Variants in BMP8B observed in about 807,000 individuals in gnomAD.
The protein encoded by BMP8B is bone morphogenetic protein 8b.
Under a neutral mutation model 30.3 loss-of-function variants are expected in BMP8B, and 17 were observed. The ratio of observed to expected loss-of-function variants is 0.56; its 90% CI spans 0.38 to 0.84. BMP8B has a LOEUF of 0.84. Among genes scored for constraint, BMP8B ranks in the 40% least tolerant of loss-of-function variants. BMP8B has a pLI of 0.00. For missense variants in BMP8B, 253 were observed against 494.6 expected (o/e 0.51, Z 4.63); for synonymous variants, 131 against 214.7 (o/e 0.61, Z 3.41).
intron 3 of BMP8B, among the ~76,000 whole-genome samples, chr1:39,766,762 C>T (rs568037624): frequency 4.2e-5 from 6 of 143,802 alleles, no homozygotes; most frequent in South Asian, 2.1e-4. Context: ...GCTTGGTTCA[C>T]GGTGAGTCAA....
intron 1 of BMP8B, among the ~76,000 whole-genome samples, chr1:39,782,963 T>G (rs1650751907): frequency 6.6e-6 from 1 of 150,594 alleles, no homozygotes; most frequent in South Asian, 2.1e-4. Context: ...CTGGCTAATT[T>G]TTTTTGCATT....
At chr1:39,763,280 C>G in intron 5 of BMP8B, 78 bp from the exon 6 acceptor site, 2 of 1,384,736 alleles carry the variant, frequency 1.4e-6, no homozygotes, top group South Asian at 2.7e-5. Context: ...TCCTCCAGCC[C>G]TGCAGGGCCG....
intron 1 of BMP8B, among the ~76,000 whole-genome samples, chr1:39,782,463 GTTTTTGT>G (rs1650709766): frequency 6.6e-6 from 1 of 151,868 alleles, no homozygotes; most frequent in South Asian, 2.1e-4. Flanking sequence ...CACTTGCTTT[GTTTTTGT>G]TTTTGTTTTT....
At chr1:39,769,659 C>G (rs1050918) in intron 3 of BMP8B, 1 of 1,261,642 alleles carries the variant, frequency 7.9e-7, no homozygotes, top group Non-Finnish European at 1.1e-6. Flanking sequence ...CCCGGTGGCA[C>G]CCGCCCTGAG....
At chr1:39,769,889 G>T (rs146244343) in intron 3 of BMP8B, 33 of 1,608,126 alleles carry the variant, frequency 2.1e-5, no homozygotes, top group Non-Finnish European at 2.6e-5. Context: ...CCCGGTCAGC[G>T]GCATGGTGCA....
intron 1 of BMP8B, among the ~76,000 whole-genome samples, chr1:39,786,154 TG>T (rs1650971032): frequency 6.6e-6 from 1 of 152,244 alleles, no homozygotes; most frequent in Non-Finnish European, 1.5e-5. Flanking sequence ...ATGAGTTAAA[TG>T]AGGAATTGTA....
chr1:39,776,021 C>A (rs1341531002), intron 1 of BMP8B, among the ~76,000 whole-genome samples: 2 of 152,306 alleles, frequency 1.3e-5, no homozygotes, highest in Non-Finnish European at 2.9e-5. Context: ...ATGAGCTCTG[C>A]TGCGGCCTGC....
intron 1 of BMP8B, among the ~76,000 whole-genome samples, chr1:39,786,558 T>C (rs1481313957): frequency 1.3e-5 from 2 of 152,234 alleles, no homozygotes; most frequent in Non-Finnish European, 2.9e-5. Flanking sequence ...ACCCAGGGGA[T>C]GCCAGGGGAG....
chr1:39,760,961 C>A (rs1025271562), intron 6 of BMP8B, among the ~76,000 whole-genome samples: 5 of 152,046 alleles, frequency 3.3e-5, no homozygotes, highest in Non-Finnish European at 7.4e-5. Context: ...TTTGGCCCTT[C>A]GGACCCCCAG....
In BMP8B at chr1:39,788,543, G is replaced by T; in HGVS notation, c.-58C>A. On this transcript the variant is annotated 5_prime_UTR_variant, in exon 1 of 7. Coordinates refer to ENST00000372827, the MANE Select transcript of BMP8B (RefSeq NM_001720.5). The surrounding 1 kb of genome is among the most constrained non-coding windows in gnomAD (Gnocchi z 5.8). ...GCGGGCGCGCATCGGCTCCGCGGCC[G>T]ACCCAGGGCCTGGGGACGCCCCGAC... The T allele has an allele frequency of 1.0e-6, 1 of 996,930 alleles. No individual in the cohort carries two copies. The highest frequency in any genetic ancestry group is 4.5e-5 in the South Asian group (1 of 22,130). The allele number at this position is 996,930 out of a possible 1,614,324, so 61.8% of individuals were successfully genotyped here.
intron 1 of BMP8B, among the ~76,000 whole-genome samples, chr1:39,783,847 T>C (rs890525796): frequency 9.9e-5 from 15 of 152,218 alleles, no homozygotes; most frequent in Non-Finnish European, 2.1e-4. Context: ...GAGTTTGCAG[T>C]TGCAGTGAGC....
intron 1 of BMP8B, among the ~76,000 whole-genome samples, chr1:39,775,952 G>A (rs534911459): frequency 5.9e-5 from 9 of 152,308 alleles, no homozygotes; most frequent in Non-Finnish European, 1.2e-4. Context: ...TCTAGGGAGA[G>A]GGGACCTCGC....
intron 1 of BMP8B, among the ~76,000 whole-genome samples, chr1:39,777,083 T>A (rs1246248112): frequency 6.6e-6 from 1 of 152,184 alleles, no homozygotes; most frequent in Non-Finnish European, 1.5e-5. Context: ...TCTCAGGCGT[T>A]GCTGATAGGA....
At chr1:39,765,982 G>A (rs1263910858) in intron 3 of BMP8B, among the ~76,000 whole-genome samples, 5 of 150,772 alleles carry the variant, frequency 3.3e-5, no homozygotes, top group Admixed American at 2.6e-4. Context: ...CTGCAGTGAG[G>A]TGTGATTGTG....
intron 3 of BMP8B, among the ~76,000 whole-genome samples, chr1:39,767,039 G>A (rs539759914): frequency 1.0e-3 from 154 of 152,364 alleles, no homozygotes; most frequent in Admixed American, 1.5e-3. Context: ...CATCAGTCCT[G>A]CAGGCTTTCC....
At chr1:39,782,163 A>AC (rs1650686510) in intron 1 of BMP8B, among the ~76,000 whole-genome samples, 1 of 151,138 alleles carries the variant, frequency 6.6e-6, no homozygotes, top group African/African-American at 2.4e-5. Context: ...AAAAAAAAAA[A>AC]AACAAAAAAA....
intron 1 of BMP8B, among the ~76,000 whole-genome samples, chr1:39,780,004 G>A (rs966702133): frequency 1.3e-5 from 2 of 152,188 alleles, no homozygotes; most frequent in African/African-American, 2.4e-5. Flanking sequence ...ACTTCCACGC[G>A]CTGTCTTTAG....
At chr1:39,782,827 G>GCAT (rs1303143851) in intron 1 of BMP8B, among the ~76,000 whole-genome samples, 2 of 151,952 alleles carry the variant, frequency 1.3e-5, no homozygotes, top group African/African-American at 4.8e-5. Flanking sequence ...TATGATACAG[G>GCAT]CATTATTATT....
At chr1:39,786,830 C>T (rs1050827013) in intron 1 of BMP8B, among the ~76,000 whole-genome samples, 19 of 152,380 alleles carry the variant, frequency 1.2e-4, no homozygotes, top group Admixed American at 5.2e-4. Flanking sequence ...ATGGCTGCCT[C>T]CTGCTGCTCG....
Sources: gnomAD v4.1 joint callset for allele counts (sites outside exome capture counted in the v4.1 genomes callset) on GRCh38, gnomAD v4.1.1 for gene constraint, Gnocchi (gnomAD v3.1) non-coding constraint, MANE v1.5 for transcripts, NCBI Gene and HGNC (gene_info 2026-07-23, HGNC 2026-07-21) for gene names.